Variants in PIGP observed in about 807,000 individuals in gnomAD.
PIGP encodes phosphatidylinositol N-acetylglucosaminyltransferase subunit P.
PIGP carries 12 observed loss-of-function variants against 16.9 expected under a neutral mutation model. That is an observed-to-expected ratio of 0.71 (90% CI 0.46 to 1.15). The LOEUF (loss-of-function observed/expected upper bound fraction) is 1.15, where lower values mean the gene tolerates loss of function less well. PIGP is among the 50% of genes most tolerant of loss of function. The pLI is 0.00. For missense variants in PIGP, 159 were observed against 153.5 expected (o/e 1.04, Z -0.19); for synonymous variants, 57 against 54.7 (o/e 1.04, Z -0.18).
chr21:37,072,363 AAC>A, intron 2 of PIGP, 69 bp downstream of exon 2: 2 of 1,605,518 alleles, frequency 1.2e-6, no homozygotes, highest in Non-Finnish European at 1.7e-6. Context: ...TGCACAGTCT[AAC>A]CAATGTATTC....
At chr21:37,072,044 GA>G (rs1205917208) in intron 2 of PIGP, 8 of 773,876 alleles carry the variant, frequency 1.0e-5, no homozygotes, top group Non-Finnish European at 1.9e-5. Flanking sequence ...GTGCCAGGGG[GA>G]AAGGCCTCTG....
Position 37,065,477 on chromosome 21 carries a change from T to C in PIGP, c.*105A>G. The C allele has an allele frequency of 9.0e-7, 1 of 1,106,284 alleles. No individual in the cohort carries two copies. Among genetic ancestry groups the C allele is most frequent in the Non-Finnish European group, 1.3e-6 (1 of 777,802 alleles). The allele number at this position is 1,106,284 out of a possible 1,614,324, so 68.5% of individuals were successfully genotyped here. ...GAGAAGGTCAACTTACATTTTTTAC[T>C]TCTCTATTAATAAGAGAGATGGTCA... is the stretch of plus-strand genomic sequence containing the variant. On this transcript the variant is annotated 3_prime_UTR_variant, in exon 5 of 5. Transcript: ENST00000360525.
chr21:37,069,688 AATCT>A (rs1296349555), intron 2 of PIGP, 64 bp from the exon 3 acceptor site: 4 of 1,068,600 alleles, frequency 3.7e-6, no homozygotes, highest in Non-Finnish European at 5.5e-6. Flanking sequence ...CTAATCTATC[AATCT>A]ATTAAGATTC....
At chr21:37,071,067 A>C (rs533172316) in intron 2 of PIGP, among the ~76,000 whole-genome samples, 1 of 152,342 alleles carries the variant, frequency 6.6e-6, no homozygotes, top group East Asian at 1.9e-4. Flanking sequence ...GCCAGAATTT[A>C]AGCCTTAAAG....
intron 3 of PIGP, chr21:37,069,339 GA>G: frequency 3.1e-6 from 1 of 321,664 alleles, no homozygotes; most frequent in South Asian, 1.3e-4. Flanking sequence ...AAGATTTTTG[GA>G]GGAAATGGAT....
chr21:37,067,872 T>C lies in PIGP; in HGVS notation c.156-492A>G, dbSNP rs1369141173. ...TATTTTCTTGTACAACTTTTTTTTT[T>C]CTGGAATAATTACATCTTTTTGTCT... On this transcript the variant is annotated intron_variant, in intron 3 of 4. Transcript: ENST00000360525. Among the ~76,000 whole-genome samples, 8 of 152,222 alleles carry C rather than the reference T, an allele frequency of 5.3e-5. No homozygotes were observed. In the East Asian group the frequency reaches 1.3e-3, roughly 26 times the overall value.
chr21:37,068,449 T>C (rs2069944289), intron 3 of PIGP, among the ~76,000 whole-genome samples: 1 of 152,176 alleles, frequency 6.6e-6, no homozygotes, highest in Admixed American at 6.5e-5. Context: ...TTCATAGTTA[T>C]AATTGTTTCT....
In PIGP at chr21:37,072,521, C is replaced by T. The variant is rs1379127282; in HGVS notation, c.-6G>A. ...GACGGTGAATTTTCCACCATTTTTC[C>T]TGGGGCTTTAGACAATCTGTGGAAA... On this transcript the variant is annotated 5_prime_UTR_variant, in exon 2 of 5. Transcript: ENST00000360525. 3.1e-6 allele frequency: 5 copies of T among 1,614,252 alleles called. No individual in the cohort carries two copies. Among genetic ancestry groups the T allele is most frequent in the Non-Finnish European group, 4.2e-6 (5 of 1,180,042 alleles).
rs1392080465 is a variant in PIGP, at chr21:37,069,538, T to C, written c.155+14A>G. On this transcript the variant is annotated intron_variant, in intron 3 of 4. Coordinates refer to ENST00000360525, the MANE Select transcript of PIGP (RefSeq NM_153682.3). ...ATTAATTATATCCTCATTTAAGAAATATATTAAACTTACTTTTGAGGCCAA... is the reference window on the plus strand; with the variant it reads ...ATTAATTATATCCTCATTTAAGAAACATATTAAACTTACTTTTGAGGCCAA... 6.8e-7 allele frequency: 1 copy of C among 1,460,214 alleles called. No homozygotes were observed. The highest frequency in any genetic ancestry group is 2.0e-5 in the Admixed American group (1 of 49,410). 90.5% of individuals were successfully genotyped at this position (1,460,214 alleles called of 1,614,324 possible).
At chr21:37,066,424 G>A (rs973556765) in intron 4 of PIGP, among the ~76,000 whole-genome samples, 26 of 152,142 alleles carry the variant, frequency 1.7e-4, no homozygotes, top group Admixed American at 1.6e-3. Context: ...AAAAATAATA[G>A]AATTGATTTT....
chr21:37,072,338 T>C, intron 2 of PIGP, 96 bp downstream of exon 2: 1 of 1,596,402 alleles, frequency 6.3e-7, no homozygotes, highest in Non-Finnish European at 8.5e-7. Context: ...GGAGAAAGAA[T>C]CAACAGTTCA....
At chr21:37,068,207 G>GTT (rs35093316) in intron 3 of PIGP, among the ~76,000 whole-genome samples, 3 of 143,526 alleles carry the variant, frequency 2.1e-5, no homozygotes, top group South Asian at 2.2e-4. Flanking sequence ...TTGGCCAGAT[G>GTT]TTTTTTTTTT....
chr21:37,067,188 G>A lies in PIGP; in HGVS notation c.274+74C>T, dbSNP rs531558584. 56 of 865,174 alleles carry A rather than the reference G, an allele frequency of 6.5e-5. 1 individual carries two copies. The South Asian group carries it at 7.5e-4, about 12-fold the overall frequency. 53.6% of individuals were successfully genotyped at this position (865,174 alleles called of 1,614,324 possible). Reference sequence around the variant, plus strand: ...ACATGGGTTTTGCAGCCTGTTCTTTGTTGCTTTTCTGGGTAAAAGTGCTAA... The same window carrying A: ...ACATGGGTTTTGCAGCCTGTTCTTTATTGCTTTTCTGGGTAAAAGTGCTAA... On this transcript the variant is annotated intron_variant, in intron 4 of 4. Transcript: ENST00000360525.
chr21:37,072,231 A>G, intron 2 of PIGP: 1 of 1,611,942 alleles, frequency 6.2e-7, no homozygotes, highest in Non-Finnish European at 8.5e-7. Flanking sequence ...GTGCTGTATA[A>G]ATATTTGTAG....
At chr21:37,072,724 G>C in intron 1 of PIGP, 187 bp from the exon 2 acceptor site, 3 of 883,694 alleles carry the variant, frequency 3.4e-6, no homozygotes, top group Non-Finnish European at 5.2e-6. Context: ...CCCCGCAACA[G>C]AAGGGGTGGC....
Position 37,065,596 on chromosome 21 carries a change from A to T in PIGP, c.391T>A (p.Tyr131Asn). ...TTACACACAGTTCAGTTTTTGGTGT[A>T]AAGTTCTTTGGCTGCAAGAAAGAAC... ...QMFFLAAKEL[Y>N]TKN is the part of the protein sequence containing the mutation. Residue 131 changes from tyrosine to asparagine, a missense_variant, in exon 5 of 5, where the codon TAC (tyrosine) becomes AAC (asparagine). By Grantham distance (143) the Tyr-to-Asn change is moderately radical. Coordinates refer to ENST00000360525, the MANE Select transcript of PIGP (RefSeq NM_153682.3). 1 of 1,613,124 alleles carries T rather than the reference A, an allele frequency of 6.2e-7. No homozygotes were observed. Among genetic ancestry groups the T allele is most frequent in the Non-Finnish European group, 8.5e-7 (1 of 1,179,624 alleles).
At position 37,069,627 on chromosome 21, in the gene PIGP, G is replaced by A. The variant is rs2069965852; in HGVS notation, c.83-3C>T. The A allele has an allele frequency of 1.3e-6, 2 of 1,551,592 alleles. No homozygotes were observed. Among genetic ancestry groups the A allele is most frequent in the Non-Finnish European group, 1.7e-6 (2 of 1,144,698 alleles). ...AAAGGCCCACACGAGGTAAAGTACT[G>A]TAGAAAAGAAAAAGAAAAAAAAGAG... On this transcript the variant is annotated splice_region_variant and splice_polypyrimidine_tract_variant and intron_variant, in intron 2 of 4. Transcript: ENST00000360525.
intron 1 of PIGP, chr21:37,072,755 G>C (rs1289748173): frequency 1.5e-6 from 1 of 672,114 alleles, no homozygotes; most frequent in East Asian, 2.7e-5. Flanking sequence ...GCAGGGAGGG[G>C]GGTTCTGGGG....
chr21:37,066,391 T>C (rs573191250), intron 4 of PIGP, among the ~76,000 whole-genome samples: 10 of 152,332 alleles, frequency 6.6e-5, no homozygotes, highest in African/African-American at 2.4e-4. Flanking sequence ...ATGCATGGAA[T>C]GCAGTGTATT....
Sources: allele counts gnomAD v4.1 joint callset (sites outside exome capture counted in the v4.1 genomes callset), GRCh38; gene constraint gnomAD v4.1.1; transcripts MANE v1.5; gene names NCBI Gene and HGNC (gene_info 2026-07-23, HGNC 2026-07-21).